The following KLF6 variants were observed in gnomAD, a reference collection of about 807,000 sequenced individuals.
KLF6 encodes KLF transcription factor 6.
For missense variants in KLF6, 233 were observed against 359.8 expected, an observed-to-expected ratio of 0.65 and a Z score of 2.85; for synonymous variants, 152 against 147.9, an observed-to-expected ratio of 1.03 and a Z score of -0.20.
In KLF6 at chr10:3,778,367, A is replaced by T. The variant is rs955848487; in HGVS notation, c.*1172T>A. 5.7e-6 allele frequency: 3 copies of T among 524,608 alleles called. No individual in the cohort carries two copies. Among genetic ancestry groups the T allele is most frequent in the Admixed American group, 4.5e-5 (2 of 44,662 alleles). The allele number at this position is 524,608 out of a possible 1,614,324, so 32.5% of individuals were successfully genotyped here. ...TCCTCAAGGCATAAATAAGAGAAACATAGCTGCATGAGAAAACAGTTTCTA... is the reference window on the plus strand; with the variant it reads ...TCCTCAAGGCATAAATAAGAGAAACTTAGCTGCATGAGAAAACAGTTTCTA... On this transcript the variant is annotated 3_prime_UTR_variant, in exon 4 of 4. Transcript: ENST00000497571.
rs1254133427 is a variant in KLF6 at position 3,781,617 on chromosome 10, T to C, written c.676+24A>G. The C allele has an allele frequency of 6.2e-7, 1 of 1,610,574 alleles. No homozygotes were observed. The highest frequency in any genetic ancestry group is 1.7e-5 in the Admixed American group (1 of 59,602). On this transcript the variant is annotated intron_variant, in intron 2 of 3. Coordinates refer to ENST00000497571, the MANE Select transcript of KLF6 (RefSeq NM_001300.6). This position sits in a 1 kb window ranked among gnomAD's most constrained non-coding sequence, Gnocchi z 5.8. ...CAGTGGCGCCCACCAGCGGCCGCCC[T>C]CCGGGGCCCGCGTGGGCACTGACCT...
chr10:3,783,545 G>C (rs1358959880), intron 1 of KLF6, among the ~76,000 whole-genome samples: 1 of 152,068 alleles, frequency 6.6e-6, no homozygotes, highest in African/African-American at 2.4e-5. Context: ...CCCTCCCCAG[G>C]CTCGCACACA....
chr10:3,777,961 G>A lies in KLF6; in HGVS notation c.*1578C>T, dbSNP rs921545884. The A allele has an allele frequency of 2.0e-6, 1 of 499,254 alleles. No homozygotes were observed. Among genetic ancestry groups the A allele is most frequent in the East Asian group, 4.6e-5 (1 of 21,872 alleles). The allele number at this position is 499,254 out of a possible 1,614,324, so 30.9% of individuals were successfully genotyped here. ...CTGTATCTTTAATATGTGTGAAAAT[G>A]TTACATATTAAATACAGCCGGTGTG... On this transcript the variant is annotated 3_prime_UTR_variant, in exon 4 of 4. Coordinates refer to ENST00000497571, the MANE Select transcript of KLF6 (RefSeq NM_001300.6).
chr10:3,783,937 G>A (rs1466914680), intron 1 of KLF6, among the ~76,000 whole-genome samples: 1 of 152,134 alleles, frequency 6.6e-6, no homozygotes, highest in East Asian at 1.9e-4. Flanking sequence ...AGGAGGGGGA[G>A]GGGGAAAAGG....
rs35835052 is a variant in KLF6, at chr10:3,782,086, G to C, written c.231C>G (p.Ser77=). The C allele has an allele frequency of 6.2e-7, 1 of 1,614,024 alleles. No individual in the cohort carries two copies. Among genetic ancestry groups the C allele is most frequent in the Non-Finnish European group, 8.5e-7 (1 of 1,179,978 alleles). ...IILAREKKEE[S]ELKISSSPPE... is the part of the protein sequence containing the mutation. ...GAGGACTGGAAGATATCTTCAGTTCGGATTCCTCCTTTTTCTCCCGAGCCA... is the reference window on the plus strand; with the variant it reads ...GAGGACTGGAAGATATCTTCAGTTCCGATTCCTCCTTTTTCTCCCGAGCCA... Residue 77 remains serine (S), a synonymous_variant, in exon 2 of 4, where the codon TCC becomes TCG. Coordinates refer to ENST00000497571, the MANE Select transcript of KLF6 (RefSeq NM_001300.6). This position sits in a 1 kb window ranked among gnomAD's most constrained non-coding sequence, Gnocchi z 4.3.
At position 3,777,090 on chromosome 10, in the gene KLF6, G is replaced by A. The variant is rs756048251; in HGVS notation, c.*2449C>T. ...CTGCACTTCCCCTCTTAAGTAAAAC[G>A]AAATGAGTTTCTTAGGTAAATGTAT... On this transcript the variant is annotated 3_prime_UTR_variant, in exon 4 of 4. Transcript: ENST00000497571. 1.5e-4 allele frequency: 77 copies of A among 513,680 alleles called. No individual in the cohort carries two copies. Among genetic ancestry groups the A allele is most frequent in the Non-Finnish European group, 2.7e-4 (71 of 263,606 alleles). The allele number at this position is 513,680 out of a possible 1,614,324, so 31.8% of individuals were successfully genotyped here. A position where few individuals can be genotyped will look rare whatever the true frequency, so the allele number is the denominator to read the frequency against.
At chr10:3,784,046 C>CT (rs1164219509) in intron 1 of KLF6, among the ~76,000 whole-genome samples, 2 of 152,196 alleles carry the variant, frequency 1.3e-5, no homozygotes, top group African/African-American at 4.8e-5. Context: ...CCCACAGCCT[C>CT]TATTTGATCT....
In KLF6 at chr10:3,778,985, T is replaced by C. The variant is rs1832458218; in HGVS notation, c.*554A>G. The stretch of plus-strand genomic sequence containing the variant: ...CACACCACTCGCCACTCTGGGGTCC[T>C]GAGTTCCCACGCCCACCCTCCAAGA... On this transcript the variant is annotated 3_prime_UTR_variant, in exon 4 of 4. Coordinates refer to ENST00000497571, the MANE Select transcript of KLF6 (RefSeq NM_001300.6). The C allele has an allele frequency of 1.9e-6, 1 of 534,436 alleles. No individual in the cohort carries two copies. The highest frequency in any genetic ancestry group is 3.6e-6 in the Non-Finnish European group (1 of 276,342). 33.1% of individuals were successfully genotyped at this position (534,436 alleles called of 1,614,324 possible).
Position 3,782,056 on chromosome 10 carries a change from C to T in KLF6, c.261G>A (p.Glu87=). ...AAAAGCTCGGGCTGATGAGAGTGTCCTCTGGAGGACTGGAAGATATCTTCA... is the reference window on the plus strand; with the variant it reads ...AAAAGCTCGGGCTGATGAGAGTGTCTTCTGGAGGACTGGAAGATATCTTCA... ...SELKISSSPP[E]DTLISPSFCY... Residue 87 remains glutamate, a synonymous_variant, in exon 2 of 4, where the codon GAG becomes GAA. Coordinates refer to ENST00000497571, the MANE Select transcript of KLF6 (RefSeq NM_001300.6). The surrounding 1 kb of genome is among the most constrained non-coding windows in gnomAD (Gnocchi z 4.3). 2 of 1,614,180 alleles carry T rather than the reference C, an allele frequency of 1.2e-6. No individual in the cohort carries two copies. The highest frequency in any genetic ancestry group is 1.7e-6 in the Non-Finnish European group (2 of 1,180,034).
At chr10:3,779,807 T>C (rs1412027644) in intron 3 of KLF6, among the ~76,000 whole-genome samples, 2 of 152,216 alleles carry the variant, frequency 1.3e-5, no homozygotes, top group Admixed American at 6.5e-5. Flanking sequence ...TGGAGGTTCT[T>C]TGGAGAATCT....
rs747930302 is a variant in KLF6, at chr10:3,779,468, G to A, written c.*71C>T. ...GAACGGCATGCTTTGGCTGGAACACGCATCCCTCCTTCCACGGCCGGCTCT... is the reference window on the plus strand; with the variant it reads ...GAACGGCATGCTTTGGCTGGAACACACATCCCTCCTTCCACGGCCGGCTCT... On this transcript the variant is annotated 3_prime_UTR_variant, in exon 4 of 4. Coordinates refer to ENST00000497571, the MANE Select transcript of KLF6 (RefSeq NM_001300.6). The A allele has an allele frequency of 9.2e-6, 12 of 1,309,850 alleles. No homozygotes were observed. Among genetic ancestry groups the A allele is most frequent in the African/African-American group, 7.2e-5 (5 of 69,066 alleles). 81.1% of individuals were successfully genotyped at this position (1,309,850 alleles called of 1,614,324 possible).
Position 3,781,301 on chromosome 10 carries a change from G to A in KLF6, c.676+340C>T, listed in dbSNP as rs1245515541. 32 of 905,484 alleles carry A rather than the reference G, an allele frequency of 3.5e-5. No individual in the cohort carries two copies. The South Asian group carries it at 5.7e-4, about 16-fold the overall frequency. 56.1% of individuals were successfully genotyped at this position (905,484 alleles called of 1,614,324 possible). A position where few individuals can be genotyped will look rare whatever the true frequency, so the allele number is the denominator to read the frequency against. ...GGAAACCCCAGGGCCGCTCGAGGTA[G>A]CCTCGTGCGAGTGCACTGGTGAAGG... On this transcript the variant is annotated intron_variant, in intron 2 of 3. Coordinates refer to ENST00000497571, the MANE Select transcript of KLF6 (RefSeq NM_001300.6). The surrounding 1 kb of genome is among the most constrained non-coding windows in gnomAD (Gnocchi z 5.8).
rs929746447 is a variant in KLF6, at chr10:3,782,634, C to T, written c.103-420G>A. 6.6e-6 allele frequency among the ~76,000 whole-genome samples: 1 copy of T among 152,190 alleles called. No homozygotes were observed. The highest frequency in any genetic ancestry group is 2.4e-5 in the African/African-American group (1 of 41,424). On this transcript the variant is annotated intron_variant, in intron 1 of 3. Transcript: ENST00000497571. The surrounding 1 kb of genome is among the most constrained non-coding windows in gnomAD (Gnocchi z 4.3). ...CAAGAACCATGTGTTTTAAGGAAAG[C>T]CCCAGCCATCCACCCTTCACACTCC...
At position 3,780,299 on chromosome 10, in the gene KLF6, AACAC is replaced by A; in HGVS notation, c.677-74_677-71del. ...CGCAGACGGAAAGGGGAAATTCAAC[AACAC>A]ACACAGTGGTGGGATGCAAGGCCAG... On this transcript the variant is annotated intron_variant, in intron 2 of 3. Transcript: ENST00000497571. The surrounding 1 kb of genome is among the most constrained non-coding windows in gnomAD (Gnocchi z 4.6). The A allele has an allele frequency of 6.3e-7, 1 of 1,590,782 alleles. No individual in the cohort carries two copies.
rs760383702 is a variant in KLF6, at chr10:3,781,936, G to A, written c.381C>T (p.Ser127=). 7.4e-6 allele frequency: 12 copies of A among 1,614,204 alleles called. No homozygotes were observed. The highest frequency in any genetic ancestry group is 3.3e-5 in the South Asian group (3 of 91,082). The stretch of plus-strand genomic sequence containing the variant: ...TGACCAAAACTTCGCCAATGGGGTC[G>A]GAGGTAAACTTGGCCGTGGGAGAAA... ...EELSPTAKFT[S]DPIGEVLVSS... The change falls in exon 2 of 4, where the codon TCC becomes TCT. Residue 127 remains serine (S), a synonymous_variant. Coordinates refer to ENST00000497571, the MANE Select transcript of KLF6 (RefSeq NM_001300.6). The surrounding 1 kb of genome is among the most constrained non-coding windows in gnomAD (Gnocchi z 5.8).
At position 3,780,520 on chromosome 10, in the gene KLF6, G is replaced by C. The variant is rs903886141; in HGVS notation, c.677-291C>G. 8.4e-6 allele frequency: 4 copies of C among 474,668 alleles called. No homozygotes were observed. The highest frequency in any genetic ancestry group is 2.0e-5 in the African/African-American group (1 of 50,948). The allele number at this position is 474,668 out of a possible 1,614,324, so 29.4% of individuals were successfully genotyped here. ...CGACTCAGACCAGCAAAATGCTTGC[G>C]GGATGAGGTGTCAGCCTGCCGGACC... On this transcript the variant is annotated intron_variant, in intron 2 of 3. Transcript: ENST00000497571. This position sits in a 1 kb window ranked among gnomAD's most constrained non-coding sequence, Gnocchi z 4.6.
chr10:3,777,549 C>T lies in KLF6; in HGVS notation c.*1990G>A. 2.0e-6 allele frequency: 1 copy of T among 511,086 alleles called. No individual in the cohort carries two copies. The highest frequency in any genetic ancestry group is 1.5e-5 in the South Asian group (1 of 64,978). The allele number at this position is 511,086 out of a possible 1,614,324, so 31.7% of individuals were successfully genotyped here. ...ATTCCAGACCTGCCCATTTGATGGA[C>T]AGAGCAGACAGCCCGGAACAGATTC... On this transcript the variant is annotated 3_prime_UTR_variant, in exon 4 of 4. Transcript: ENST00000497571.
At position 3,780,420 on chromosome 10, in the gene KLF6, C is replaced by T; in HGVS notation, c.677-191G>A. 1 of 676,676 alleles carries T rather than the reference C, an allele frequency of 1.5e-6. No homozygotes were observed. 41.9% of individuals were successfully genotyped at this position (676,676 alleles called of 1,614,324 possible). Reference sequence around the variant, plus strand: ...CTCTCCTGACCCAGTCTCAGGCCTCCCACTGCTGTCCAAGGGACACAGCTT... The same window carrying T: ...CTCTCCTGACCCAGTCTCAGGCCTCTCACTGCTGTCCAAGGGACACAGCTT... On this transcript the variant is annotated intron_variant, in intron 2 of 3. Coordinates refer to ENST00000497571, the MANE Select transcript of KLF6 (RefSeq NM_001300.6). This position sits in a 1 kb window ranked among gnomAD's most constrained non-coding sequence, Gnocchi z 4.6.
rs1023050565 is a variant in KLF6, at chr10:3,777,657, T to C, written c.*1882A>G. On this transcript the variant is annotated 3_prime_UTR_variant, in exon 4 of 4. Transcript: ENST00000497571. ...GGTTATGGTTTTCATTTTTACCTCC[T>C]TTATGGCCATTTTGAAATATTTCTT... 4.1e-6 allele frequency: 2 copies of C among 483,808 alleles called. No homozygotes were observed. Among genetic ancestry groups the C allele is most frequent in the Non-Finnish European group, 8.2e-6 (2 of 245,124 alleles). 30.0% of individuals were successfully genotyped at this position (483,808 alleles called of 1,614,324 possible). A position where few individuals can be genotyped will look rare whatever the true frequency, so the allele number is the denominator to read the frequency against.
Sources: gnomAD v4.1 joint callset for allele counts (sites outside exome capture counted in the v4.1 genomes callset) on GRCh38, gnomAD v4.1.1 for gene constraint, Gnocchi (gnomAD v3.1) non-coding constraint, MANE v1.5 for transcripts, NCBI Gene and HGNC (gene_info 2026-07-23, HGNC 2026-07-21) for gene names.